Variants in TTC7B observed in about 807,000 individuals in gnomAD.
The protein encoded by TTC7B is tetratricopeptide repeat domain 7B, also known as tetratricopeptide repeat protein 7B.
A neutral mutation model predicts 106.8 loss-of-function variants in TTC7B; 28 were observed. That is an observed-to-expected ratio of 0.26 (90% CI 0.19 to 0.36). The LOEUF is 0.36. Among genes scored for constraint, TTC7B ranks in the 10% least tolerant of loss-of-function variants. TTC7B has a pLI of 1.00. For synonymous variants in TTC7B, 405 were observed against 430.6 expected (o/e 0.94, Z 0.74); for missense variants, 862 against 1,076.4 (o/e 0.80, Z 2.79).
At chr14:90,599,142 C>CA (rs1892329975) in intron 17 of TTC7B, among the ~76,000 whole-genome samples, 1 of 138,594 alleles carries the variant, frequency 7.2e-6, no homozygotes, top group African/African-American at 2.9e-5. Flanking sequence ...GATTCTGTCT[C>CA]AAACAAAAAA....
chr14:90,677,038 A>G (rs1044649437), intron 8 of TTC7B, among the ~76,000 whole-genome samples: 3 of 152,158 alleles, frequency 2.0e-5, no homozygotes, highest in African/African-American at 7.2e-5. Context: ...GCCCTGCTGC[A>G]CCTCACTCGT....
At chr14:90,709,548 A>AG (rs1888354380) in intron 5 of TTC7B, among the ~76,000 whole-genome samples, 2 of 51,860 alleles carry the variant, frequency 3.9e-5, no homozygotes, top group South Asian at 1.7e-3. Flanking sequence ...GGGTGGGGGG[A>AG]GGGGGGAGGG....
intron 5 of TTC7B, among the ~76,000 whole-genome samples, chr14:90,728,138 T>C (rs1183843355): frequency 6.6e-6 from 1 of 152,146 alleles, no homozygotes; most frequent in East Asian, 1.9e-4. Context: ...CTCACTACTG[T>C]TGCACCGTCC....
intron 3 of TTC7B, among the ~76,000 whole-genome samples, chr14:90,754,694 C>T (rs1280447053): frequency 6.6e-6 from 1 of 152,112 alleles, no homozygotes; most frequent in African/African-American, 2.4e-5. Flanking sequence ...ATTTTCATCA[C>T]CCCTTGAAAA....
intron 1 of TTC7B, among the ~76,000 whole-genome samples, chr14:90,806,294 G>C (rs1465065062): frequency 6.6e-6 from 1 of 152,250 alleles, no homozygotes; most frequent in Non-Finnish European, 1.5e-5. Flanking sequence ...GAGTCTGGCA[G>C]CCGTGGGCTG....
rs58051350 is a variant in TTC7B, at chr14:90,736,893, TAA to T, written c.577-6699_577-6698del. ...AGCAACAGAGCAAGACCATGTCTCT[TAA>T]AAAAAAAAAAAAAAAAAAAAGTATA... On this transcript the variant is annotated intron_variant, in intron 4 of 19. Transcript: ENST00000328459. Among the ~76,000 whole-genome samples the T allele has an allele frequency of 2.6e-3, 243 of 91,890 alleles. 1 individual carries two copies. Among genetic ancestry groups the T allele is most frequent in the African/African-American group, 9.5e-3 (210 of 21,990 alleles). The allele number at this position is 91,890 out of a possible 152,430, so 60.3% of individuals were successfully genotyped here.
rs1220891090 is a variant in TTC7B at position 90,530,941 on chromosome 14, C to G, written c.*10427G>C. The stretch of plus-strand genomic sequence containing the variant: ...CTTACTCATGTAACCACTGTGTTCC[C>G]CAATAACCTATGAAAATAAAAAATT... On this transcript the variant is annotated 3_prime_UTR_variant, in exon 20 of 20. Coordinates refer to ENST00000328459, the MANE Select transcript of TTC7B (RefSeq NM_001010854.2). 6.6e-6 allele frequency: 1 copy of G among 151,870 alleles called. No individual in the cohort carries two copies. Among genetic ancestry groups the G allele is most frequent in the Non-Finnish European group, 1.5e-5 (1 of 68,022 alleles). 9.4% of individuals were successfully genotyped at this position (151,870 alleles called of 1,614,324 possible).
chr14:90,793,918 T>G (rs949684140), intron 1 of TTC7B, among the ~76,000 whole-genome samples: 3 of 151,232 alleles, frequency 2.0e-5, no homozygotes, highest in African/African-American at 7.3e-5. Context: ...TTGTTTGTTT[T>G]CTTCGAAACA....
chr14:90,544,075 G>A (rs940182115), intron 19 of TTC7B, among the ~76,000 whole-genome samples: 2 of 152,314 alleles, frequency 1.3e-5, no homozygotes, highest in South Asian at 2.1e-4. Context: ...TGTGGCCCCT[G>A]TGGAGGCTCA....
At chr14:90,564,316 C>T (rs990968921) in intron 19 of TTC7B, among the ~76,000 whole-genome samples, 1 of 152,116 alleles carries the variant, frequency 6.6e-6, no homozygotes, top group African/African-American at 2.4e-5. Flanking sequence ...TAAGTGTCAA[C>T]AGTGGGCATA....
At chr14:90,743,603 A>G (rs1405457394) in intron 4 of TTC7B, among the ~76,000 whole-genome samples, 1 of 152,186 alleles carries the variant, frequency 6.6e-6, no homozygotes, top group African/African-American at 2.4e-5. Context: ...GAACTCCAGG[A>G]AACACTGCCA....
At chr14:90,743,386 T>C (rs1160193333) in intron 4 of TTC7B, among the ~76,000 whole-genome samples, 1 of 152,210 alleles carries the variant, frequency 6.6e-6, no homozygotes, top group Non-Finnish European at 1.5e-5. Context: ...TTACTTCCTG[T>C]CTGTTCATTT....
At chr14:90,602,291 T>C (rs1215160975) in intron 17 of TTC7B, 19 of 451,278 alleles carry the variant, frequency 4.2e-5, no homozygotes, top group South Asian at 2.8e-4. Flanking sequence ...ATGTGAACTA[T>C]GAAGCACTAG....
At chr14:90,559,852 C>T (rs1294705415) in intron 19 of TTC7B, among the ~76,000 whole-genome samples, 1 of 152,254 alleles carries the variant, frequency 6.6e-6, no homozygotes, top group Non-Finnish European at 1.5e-5. Context: ...GGCCAAGGTC[C>T]TACAAACTGC....
rs765532896 is a variant in TTC7B at position 90,593,617 on chromosome 14, T to C, written c.1976A>G (p.His659Arg). The change falls in exon 18 of 20, where the codon CAT becomes CGT. Residue 659 changes from histidine to arginine, a missense_variant. Coordinates refer to ENST00000328459, the MANE Select transcript of TTC7B (RefSeq NM_001010854.2). ...TCTTGAGGCTGCTACCGATGTGGCA[T>C]GGACGGAGCCTGTGAGAGGTTTTTG... is the stretch of plus-strand genomic sequence containing the variant. Reference protein sequence around the residue: ...DFSDPETGSVHATSVAASRVE... With the variant: ...DFSDPETGSVRATSVAASRVE... 13 of 1,603,836 alleles carry C rather than the reference T, an allele frequency of 8.1e-6. No homozygotes were observed. The South Asian group carries it at 1.0e-4, about 12-fold the overall frequency.
chr14:90,681,792 T>G (rs564856386), intron 7 of TTC7B, among the ~76,000 whole-genome samples: 1 of 152,362 alleles, frequency 6.6e-6, no homozygotes, highest in East Asian at 1.9e-4. Flanking sequence ...GATGGGACAC[T>G]TCTTTCCCCT....
At chr14:90,615,976 G>A (rs2139846533) in intron 16 of TTC7B, among the ~76,000 whole-genome samples, 1 of 152,256 alleles carries the variant, frequency 6.6e-6, no homozygotes, top group East Asian at 1.9e-4. Flanking sequence ...TTCAGGAAAT[G>A]GAGGAAGTAT....
chr14:90,614,576 G>T (rs949762946), intron 16 of TTC7B, among the ~76,000 whole-genome samples: 2 of 152,266 alleles, frequency 1.3e-5, no homozygotes, highest in Non-Finnish European at 2.9e-5. Context: ...CAGCTCAAGA[G>T]AGGCAGCATG....
chr14:90,544,730 C>G (rs575078223), intron 19 of TTC7B, among the ~76,000 whole-genome samples: 1 of 152,246 alleles, frequency 6.6e-6, no homozygotes, highest in South Asian at 2.1e-4. Context: ...GGTAGCGGCC[C>G]TGAGCAGCAG....
Sources: gnomAD v4.1 joint callset for allele counts (sites outside exome capture counted in the v4.1 genomes callset) on GRCh38, gnomAD v4.1.1 for gene constraint, MANE v1.5 for transcripts, NCBI Gene and HGNC (gene_info 2026-07-23, HGNC 2026-07-21) for gene names.